EP400: variants seen among roughly 807,000 people sequenced by gnomAD.
EP400 encodes E1A-binding protein p400.
In EP400, 105 loss-of-function variants were observed where a neutral mutation model predicts 354.1. The ratio of observed to expected loss-of-function variants is 0.30; its 90% confidence interval spans 0.25 to 0.35. The LOEUF (loss-of-function observed/expected upper bound fraction) is 0.35. EP400 is among the 10% of genes least tolerant of loss of function. The probability of loss-of-function intolerance (pLI) is 1.00; values close to 1 mark genes in which losing one functional copy is unlikely to be tolerated. For synonymous variants in EP400, 1,646 were observed against 1,716.9 expected (o/e 0.96, Z 1.02); for missense variants, 3,280 against 4,121.0 (o/e 0.80, Z 5.59).
chr12:132,065,228 G>T, intron 48 of EP400: 1 of 368,494 alleles, frequency 2.7e-6, no homozygotes, highest in South Asian at 4.1e-5. Context: ...AGCAGAGGGC[G>T]CTGTGCATGT....
At chr12:131,974,104 G>T (rs1892387583) in intron 2 of EP400, among the ~76,000 whole-genome samples, 1 of 150,134 alleles carries the variant, frequency 6.7e-6, no homozygotes, top group African/African-American at 2.5e-5. Context: ...TCAGCCTCCC[G>T]AGTAGCTGGG....
Position 131,994,747 on chromosome 12 carries a change from G to A in EP400, c.2738-120G>A, listed in dbSNP as rs574869199. Reference sequence around the variant, plus strand: ...TAAATTTAACCTGAGAAGTTTAAAAGCTCAGTTTCAATTTCTGTAATAGCT... The same window carrying A: ...TAAATTTAACCTGAGAAGTTTAAAAACTCAGTTTCAATTTCTGTAATAGCT... On this transcript the variant is annotated intron_variant, in intron 11 of 52. Coordinates refer to ENST00000389561, the MANE Select transcript of EP400 (RefSeq NM_015409.5). This position sits in a 1 kb window ranked among gnomAD's most constrained non-coding sequence, Gnocchi z 4.6. 14 of 724,454 alleles carry A rather than the reference G, an allele frequency of 1.9e-5. No homozygotes were observed. In the African/African-American group the frequency reaches 2.2e-4, roughly 11 times the overall value. 44.9% of individuals were successfully genotyped at this position (724,454 alleles called of 1,614,324 possible).
In EP400 at chr12:132,079,044, G is replaced by GT. The variant is rs1478263607; in HGVS notation, c.*1377dup. The stretch of plus-strand genomic sequence containing the variant: ...GGTCCAGGAAATTAGGTTATATTAG[G>GT]TTTTTTGTATACTAAAAATCAGTTA... On this transcript the variant is annotated 3_prime_UTR_variant, in exon 53 of 53. Transcript: ENST00000389561. The GT allele has an allele frequency of 1.3e-5, 2 of 152,228 alleles. No homozygotes were observed. Among genetic ancestry groups the GT allele is most frequent in the Non-Finnish European group, 2.9e-5 (2 of 68,012 alleles). 9.4% of individuals were successfully genotyped at this position (152,228 alleles called of 1,614,324 possible). A position where few individuals can be genotyped will look rare whatever the true frequency, so the allele number is the denominator to read the frequency against.
chr12:131,985,231 A>G (rs1892814762), intron 5 of EP400, among the ~76,000 whole-genome samples: 1 of 152,242 alleles, frequency 6.6e-6, no homozygotes, highest in Non-Finnish European at 1.5e-5. Flanking sequence ...GGGTTGGCAC[A>G]CTTTCTCAGT....
Position 132,070,463 on chromosome 12 carries a change from G to A in EP400, c.9021+822G>A, listed in dbSNP as rs1483727472. 6.6e-6 allele frequency among the ~76,000 whole-genome samples: 1 copy of A among 152,244 alleles called. No individual in the cohort carries two copies. Among genetic ancestry groups the A allele is most frequent in the African/African-American group, 2.4e-5 (1 of 41,468 alleles). On this transcript the variant is annotated intron_variant, in intron 51 of 52. Transcript: ENST00000389561. This position sits in a 1 kb window ranked among gnomAD's most constrained non-coding sequence, Gnocchi z 4.1. ...TCAGAGGCCATGCTGGTCCCACGGC[G>A]CTCTCGCTATGAGCGGCAGTGACAC...
At chr12:132,031,773 T>A (rs1426915803) in intron 29 of EP400, among the ~76,000 whole-genome samples, 180 bp from the exon 30 acceptor site, 1 of 152,036 alleles carries the variant, frequency 6.6e-6, no homozygotes, top group Non-Finnish European at 1.5e-5. Flanking sequence ...GCCAGGATGA[T>A]CTCGATCTGC....
intron 45 of EP400, 127 bp downstream of exon 45, chr12:132,055,335 T>C: frequency 1.3e-6 from 1 of 788,468 alleles, no homozygotes; most frequent in South Asian, 1.9e-5. Flanking sequence ...TTGAATTTCA[T>C]AAAATAAGTA....
chr12:132,073,031 A>T (rs1247677585), intron 51 of EP400, among the ~76,000 whole-genome samples: 1 of 152,074 alleles, frequency 6.6e-6, no homozygotes, highest in African/African-American at 2.4e-5. Context: ...TCCTGTGAGC[A>T]GCTCGCGGGC....
intron 22 of EP400, 120 bp downstream of exon 22, chr12:132,020,338 C>T: frequency 7.5e-6 from 9 of 1,200,778 alleles, no homozygotes; most frequent in Non-Finnish European, 1.0e-5. Flanking sequence ...ACAGGCACCA[C>T]CCGCTGGCTT....
chr12:131,950,404 G>A (rs1891426804), intron 1 of EP400, among the ~76,000 whole-genome samples: 2 of 152,220 alleles, frequency 1.3e-5, no homozygotes, highest in African/African-American at 4.8e-5. Context: ...GGGGCTGAGG[G>A]GGTGGCTCTT....
At chr12:132,077,043 G>A (rs1730322292) in intron 52 of EP400, among the ~76,000 whole-genome samples, 1 of 152,252 alleles carries the variant, frequency 6.6e-6, no homozygotes, top group Non-Finnish European at 1.5e-5. Context: ...TGCTTTAAAT[G>A]TAAAGCGGTG....
intron 2 of EP400, among the ~76,000 whole-genome samples, chr12:131,976,810 C>T (rs937565832): frequency 6.6e-6 from 1 of 152,172 alleles, no homozygotes; most frequent in African/African-American, 2.4e-5. Context: ...AGTACTTGGG[C>T]CTTCTCTTGG....
chr12:132,077,315 T>A (rs1233302962), intron 52 of EP400, 86 bp from the exon 53 acceptor site: 1 of 1,506,098 alleles, frequency 6.6e-7, no homozygotes, highest in Non-Finnish European at 8.9e-7. Context: ...GTTTCTCGAG[T>A]CCTCCCCATC....
chr12:132,034,610 C>T (rs1248402415), intron 30 of EP400, among the ~76,000 whole-genome samples: 1 of 152,150 alleles, frequency 6.6e-6, no homozygotes, highest in Non-Finnish European at 1.5e-5. Context: ...CATAAGGGTG[C>T]TGTTGGTGTC....
At chr12:131,964,980 C>G (rs920210604) in intron 2 of EP400, among the ~76,000 whole-genome samples, 7 of 152,238 alleles carry the variant, frequency 4.6e-5, no homozygotes, top group African/African-American at 1.7e-4. Flanking sequence ...CTTAGTCTTT[C>G]ATGACCTTGG....
At chr12:131,971,662 G>A (rs1407797449) in intron 2 of EP400, among the ~76,000 whole-genome samples, 2 of 152,006 alleles carry the variant, frequency 1.3e-5, no homozygotes, top group Non-Finnish European at 2.9e-5. Context: ...GTGTAGAAGC[G>A]GGTGTATGGA....
chr12:131,981,844 T>C (rs1284944209), intron 4 of EP400, among the ~76,000 whole-genome samples: 2 of 152,238 alleles, frequency 1.3e-5, no homozygotes, highest in Admixed American at 6.5e-5. Context: ...TTTACTCCTA[T>C]GTTTTTCCTA....
In EP400 at chr12:132,013,363, G is replaced by T. The variant is rs923897430; in HGVS notation, c.3612-127G>T. ...GGGTCAGTGCAGCCCCCCTTTTCAG[G>T]CATGTGCACGTTGACATTTGCGGTG... On this transcript the variant is annotated intron_variant, in intron 17 of 52. Transcript: ENST00000389561. The surrounding 1 kb of genome is among the most constrained non-coding windows in gnomAD (Gnocchi z 4.5). 211 of 1,398,282 alleles carry T rather than the reference G, an allele frequency of 1.5e-4. No homozygotes were observed. Among genetic ancestry groups the T allele is most frequent in the Non-Finnish European group, 2.0e-4 (203 of 1,039,028 alleles). 86.6% of individuals were successfully genotyped at this position (1,398,282 alleles called of 1,614,324 possible).
rs1194603436 is a variant in EP400 at position 132,079,485 on chromosome 12, G to A, written c.*1812G>A. The A allele has an allele frequency of 1.3e-5, 2 of 152,254 alleles. No individual in the cohort carries two copies. The highest frequency in any genetic ancestry group is 4.8e-5 in the African/African-American group (2 of 41,458). The allele number at this position is 152,254 out of a possible 1,614,324, so 9.4% of individuals were successfully genotyped here. A position where few individuals can be genotyped will look rare whatever the true frequency, so the allele number is the denominator to read the frequency against. On this transcript the variant is annotated 3_prime_UTR_variant, in exon 53 of 53. Coordinates refer to ENST00000389561, the MANE Select transcript of EP400 (RefSeq NM_015409.5). The stretch of plus-strand genomic sequence containing the variant: ...AGATGTGATAGAACTGAAGTATCTA[G>A]GAATTCTGCCTTTGTCATTTGTTTT...
Sources: allele counts gnomAD v4.1 joint callset (sites outside exome capture counted in the v4.1 genomes callset), GRCh38; gene constraint gnomAD v4.1.1; non-coding constraint Gnocchi (gnomAD v3.1); transcripts MANE v1.5; gene names NCBI Gene and HGNC (gene_info 2026-07-23, HGNC 2026-07-21).